Variants in BABAM2 observed in about 807,000 individuals in gnomAD.
BABAM2 encodes the protein BRISC and BRCA1-A complex member 2.
In BABAM2, 31 loss-of-function variants were observed where a neutral mutation model predicts 54.7. The ratio of observed to expected loss-of-function variants is 0.57; its 90% confidence interval spans 0.43 to 0.77. The LOEUF is 0.77. BABAM2 is among the 30% of genes least tolerant of loss of function. BABAM2 has a pLI of 0.00. For synonymous variants in BABAM2, 167 were observed against 162.9 expected, an observed-to-expected ratio of 1.03 and a Z score of -0.19; for missense variants, 364 against 455.8, an observed-to-expected ratio of 0.80 and a Z score of 1.83.
intron 5 of BABAM2, among the ~76,000 whole-genome samples, chr2:28,042,036 G>A (rs1387742787): frequency 1.3e-5 from 2 of 152,124 alleles, no homozygotes; most frequent in Admixed American, 6.6e-5. Context: ...GGGAGACTCA[G>A]GATATATTTT....
rs558961492 is a variant in BABAM2 at position 28,057,495 on chromosome 2, A to AT, written c.570+11708dup. Among the ~76,000 whole-genome samples the AT allele has an allele frequency of 3.0e-3, 443 of 145,280 alleles. 1 individual carries two copies. The highest frequency in any genetic ancestry group is 0.011 in the Middle Eastern group (3 of 280). On this transcript the variant is annotated intron_variant, in intron 6 of 11. Coordinates refer to ENST00000379624, the MANE Select transcript of BABAM2 (RefSeq NM_199191.3). The stretch of plus-strand genomic sequence containing the variant: ...TGGGATGTGATCACTACAGGTGACC[A>AT]TTTTTTTTTTTTAATCTGGAACTAC...
intron 6 of BABAM2, among the ~76,000 whole-genome samples, chr2:28,101,764 T>C (rs1399718526): frequency 1.3e-5 from 2 of 152,202 alleles, no homozygotes; most frequent in African/African-American, 2.4e-5. Context: ...TAAATACATA[T>C]AAACATATTG....
intron 2 of BABAM2, among the ~76,000 whole-genome samples, chr2:27,908,638 A>T (rs1287118218): frequency 1.3e-5 from 2 of 151,924 alleles, no homozygotes; most frequent in African/African-American, 2.4e-5. Flanking sequence ...CCTAGTGTCT[A>T]TTGTTCCCAT....
chr2:28,012,871 C>A (rs1287882152), intron 4 of BABAM2, among the ~76,000 whole-genome samples: 1 of 152,104 alleles, frequency 6.6e-6, no homozygotes, highest in Non-Finnish European at 1.5e-5. Flanking sequence ...AAGATTAGAT[C>A]AAGAGATGTG....
intron 6 of BABAM2, among the ~76,000 whole-genome samples, chr2:28,127,039 G>C (rs1669610130): frequency 6.6e-6 from 1 of 151,788 alleles, no homozygotes. Context: ...CTGGATATTA[G>C]CCCTTTGTCA....
upstream of BABAM2, chr2:27,890,106 T>C: frequency 1.6e-6 from 1 of 627,658 alleles, no homozygotes; most frequent in Non-Finnish European, 2.8e-6. The surrounding 1 kb of genome is among the most constrained non-coding windows in gnomAD (Gnocchi z 4.8). Context: ...GCCAGGAAGG[T>C]AGGCTGAAGG....
intron 10 of BABAM2, among the ~76,000 whole-genome samples, chr2:28,265,222 G>C (rs945155700): frequency 6.6e-6 from 1 of 152,166 alleles, no homozygotes; most frequent in South Asian, 2.1e-4. Context: ...GATCACCTGA[G>C]GTCAGGAGTT....
chr2:28,105,285 A>G (rs1235910543), intron 6 of BABAM2, among the ~76,000 whole-genome samples: 1 of 152,204 alleles, frequency 6.6e-6, no homozygotes, highest in Non-Finnish European at 1.5e-5. Flanking sequence ...AGATTAAATA[A>G]TGTCCCTGGA....
At chr2:28,324,983 C>T (rs985428336) in intron 11 of BABAM2, among the ~76,000 whole-genome samples, 2 of 152,114 alleles carry the variant, frequency 1.3e-5, no homozygotes, top group African/African-American at 2.4e-5. Context: ...TCCTTATACT[C>T]ATGGCTTCCA....
At chr2:28,323,330 C>G (rs974024576) in intron 11 of BABAM2, among the ~76,000 whole-genome samples, 1 of 152,076 alleles carries the variant, frequency 6.6e-6, no homozygotes, top group Non-Finnish European at 1.5e-5. Flanking sequence ...ATAGACGGCT[C>G]AGACCCGTGC....
intron 7 of BABAM2, among the ~76,000 whole-genome samples, chr2:28,162,651 C>T (rs1286498680): frequency 6.6e-6 from 1 of 152,180 alleles, no homozygotes; most frequent in Non-Finnish European, 1.5e-5. Flanking sequence ...TAATGCTCTT[C>T]CTCGCACACT....
intron 7 of BABAM2, among the ~76,000 whole-genome samples, chr2:28,221,302 C>T (rs928059973): frequency 6.6e-6 from 1 of 152,176 alleles, no homozygotes; most frequent in African/African-American, 2.4e-5. Flanking sequence ...GTGGTGCCAC[C>T]CTCTTCCTTG....
chr2:27,904,477 C>T (rs755370707), intron 2 of BABAM2, among the ~76,000 whole-genome samples: 1 of 152,150 alleles, frequency 6.6e-6, no homozygotes, highest in Non-Finnish European at 1.5e-5. Context: ...CAGAATGCTG[C>T]CTGATAACAC....
At chr2:28,014,142 G>A (rs1674623169) in intron 4 of BABAM2, among the ~76,000 whole-genome samples, 1 of 152,090 alleles carries the variant, frequency 6.6e-6, no homozygotes, top group Non-Finnish European at 1.5e-5. Flanking sequence ...AGGGCTTCTG[G>A]TATTGAGATG....
chr2:28,052,737 GT>G (rs1371483337), intron 6 of BABAM2, among the ~76,000 whole-genome samples: 1 of 152,150 alleles, frequency 6.6e-6, no homozygotes, highest in Non-Finnish European at 1.5e-5. Flanking sequence ...CTTTTATATT[GT>G]TAGGAGAAAT....
At chr2:28,337,198 A>C (rs904098450) in intron 11 of BABAM2, among the ~76,000 whole-genome samples, 1 of 151,958 alleles carries the variant, frequency 6.6e-6, no homozygotes, top group African/African-American at 2.4e-5. Context: ...AAGCCTGGTG[A>C]CCAGGAGCAC....
At chr2:28,105,228 CAAAA>C (rs370192702) in intron 6 of BABAM2, among the ~76,000 whole-genome samples, 3 of 146,128 alleles carry the variant, frequency 2.1e-5, no homozygotes, top group African/African-American at 7.5e-5. Flanking sequence ...TTTGTGATGT[CAAAA>C]AAAAAAGTAT....
At chr2:28,278,644 A>G (rs1686074296) in intron 10 of BABAM2, among the ~76,000 whole-genome samples, 1 of 152,234 alleles carries the variant, frequency 6.6e-6, no homozygotes, top group African/African-American at 2.4e-5. Context: ...AAGTGGTGGC[A>G]GTAGAAGCCA....
chr2:28,291,536 G>A (rs965863007), intron 10 of BABAM2, among the ~76,000 whole-genome samples: 2 of 151,650 alleles, frequency 1.3e-5, no homozygotes, highest in African/African-American at 2.4e-5. Context: ...GGAGGTTGCG[G>A]TGAGCCGAGA....
Sources: allele counts gnomAD v4.1 joint callset (sites outside exome capture counted in the v4.1 genomes callset), GRCh38; gene constraint gnomAD v4.1.1; non-coding constraint Gnocchi (gnomAD v3.1); transcripts MANE v1.5; gene names NCBI Gene and HGNC (gene_info 2026-07-23, HGNC 2026-07-21).